The following BDP1 variants were observed in gnomAD, a reference collection of about 807,000 sequenced individuals.
The protein encoded by BDP1 is BDP1 general transcription factor IIIB subunit.
In BDP1, 169 loss-of-function variants were observed where a neutral mutation model predicts 266.6. The observed-to-expected ratio is 0.63, with a 90% confidence interval of 0.56 to 0.72. The LOEUF (loss-of-function observed/expected upper bound fraction) is 0.72, where lower values mean the gene tolerates loss of function less well. Among genes scored for constraint, BDP1 ranks in the 30% least tolerant of loss-of-function variants. The pLI is 0.00. For missense variants in BDP1, 3,015 were observed against 3,053.8 expected (o/e 0.99, Z 0.30); for synonymous variants, 1,090 against 1,022.4 (o/e 1.07, Z -1.26).
At chr5:71,533,257 G>A (rs1766365363) in intron 26 of BDP1, among the ~76,000 whole-genome samples, 1 of 152,112 alleles carries the variant, frequency 6.6e-6, no homozygotes. Flanking sequence ...AAGTGTTTGT[G>A]TACAATATGT....
the BDP1 span, among the ~76,000 whole-genome samples, chr5:71,574,907 C>T: frequency 6.6e-6 from 1 of 152,188 alleles, no homozygotes; most frequent in Non-Finnish European, 1.5e-5. Flanking sequence ...ATTTTATGGG[C>T]TTATGGATAT....
At chr5:71,538,342 G>A (rs1766761083) in intron 26 of BDP1, among the ~76,000 whole-genome samples, 1 of 152,180 alleles carries the variant, frequency 6.6e-6, no homozygotes, top group Admixed American at 6.5e-5. Context: ...CTTGGGGACT[G>A]GGGGCCTTGT....
At chr5:71,545,963 C>A (rs980914709) in intron 32 of BDP1, among the ~76,000 whole-genome samples, 3 of 151,982 alleles carry the variant, frequency 2.0e-5, no homozygotes, top group Non-Finnish European at 4.4e-5. Context: ...TCGCCATGCA[C>A]TCCAGCCTGG....
In BDP1 at chr5:71,522,780, C is replaced by T. The variant is rs535854778; in HGVS notation, c.5218C>T (p.Leu1740=). ...GGAAAAAGCTGAGCTTCTGACATCTCTGGAGGTTTCAGCAAGAAAAGATTG... is the reference window on the plus strand; with the variant it reads ...GGAAAAAGCTGAGCTTCTGACATCTTTGGAGGTTTCAGCAAGAAAAGATTG... ...LKEKAELLTS[L]EVSARKDCVG... The change falls in exon 24 of 39, where the codon CTG becomes TTG. Residue 1740 remains leucine, a synonymous_variant. Coordinates refer to ENST00000358731, the MANE Select transcript of BDP1 (RefSeq NM_018429.3). 2.0e-5 allele frequency: 32 copies of T among 1,605,352 alleles called. No individual in the cohort carries two copies. The African/African-American group carries it at 4.0e-4, about 20-fold the overall frequency.
intron 21 of BDP1, among the ~76,000 whole-genome samples, chr5:71,516,887 C>T (rs553767584): frequency 9.9e-5 from 15 of 151,736 alleles, no homozygotes; most frequent in Non-Finnish European, 2.1e-4. Context: ...AACCAAAAAG[C>T]TCTTTCTTAA....
intron 7 of BDP1, among the ~76,000 whole-genome samples, chr5:71,475,585 A>G (rs1176616740): frequency 6.6e-6 from 1 of 152,216 alleles, no homozygotes; most frequent in Non-Finnish European, 1.5e-5. Context: ...ATCAGGCTGT[A>G]TTCACCCAGA....
chr5:71,525,273 C>G (rs1399275088), intron 25 of BDP1, among the ~76,000 whole-genome samples: 3 of 147,970 alleles, frequency 2.0e-5, no homozygotes, highest in African/African-American at 5.0e-5. Context: ...GCTGACCCCC[C>G]CCACCTCCCT....
At chr5:71,528,299 A>G (rs937748200) in intron 25 of BDP1, among the ~76,000 whole-genome samples, 6 of 152,218 alleles carry the variant, frequency 3.9e-5, no homozygotes, top group Non-Finnish European at 7.3e-5. Flanking sequence ...GTTGTGAACT[A>G]GAGAAACGTG....
In BDP1 at chr5:71,566,618, A is replaced by G. The variant is rs1038716105; in HGVS notation, c.*1733A>G. 5.3e-5 allele frequency: 8 copies of G among 152,184 alleles called. No homozygotes were observed. The highest frequency in any genetic ancestry group is 1.0e-4 in the Non-Finnish European group (7 of 68,038). The allele number at this position is 152,184 out of a possible 1,614,324, so 9.4% of individuals were successfully genotyped here. A position where few individuals can be genotyped will look rare whatever the true frequency, so the allele number is the denominator to read the frequency against. On this transcript the variant is annotated 3_prime_UTR_variant, in exon 39 of 39. Coordinates refer to ENST00000358731, the MANE Select transcript of BDP1 (RefSeq NM_018429.3). ...CAGATGGTCTCTGTGGCAGCTACTC[A>G]GCTCTGCAATTTCAGTGTGAAAGAA... is the stretch of plus-strand genomic sequence containing the variant.
At chr5:71,513,493 A>T in intron 19 of BDP1, 86 bp downstream of exon 19, 1 of 784,880 alleles carries the variant, frequency 1.3e-6, no homozygotes, top group East Asian at 2.5e-5. Flanking sequence ...CTGGCATTAA[A>T]ATTCTACAAA....
rs371188829 is a variant in BDP1, at chr5:71,511,076, C to T, written c.3984C>T (p.Thr1328=). The part of the protein sequence containing the change: ...PRENELEETS[T]SRQTDTHLMQ... ...AAAACGAGCTAGAGGAGACCAGTAC[C>T]TCAAGACAAACTGACACACATTTAA... Residue 1328 remains threonine, a synonymous_variant, in exon 17 of 39, where the codon ACC becomes ACT. Coordinates refer to ENST00000358731, the MANE Select transcript of BDP1 (RefSeq NM_018429.3). 3 of 1,614,018 alleles carry T rather than the reference C, an allele frequency of 1.9e-6. No homozygotes were observed. Among genetic ancestry groups the T allele is most frequent in the South Asian group, 1.1e-5 (1 of 91,086 alleles).
chr5:71,460,763 G>A (rs868026561), intron 2 of BDP1, among the ~76,000 whole-genome samples: 15 of 151,966 alleles, frequency 9.9e-5, no homozygotes, highest in African/African-American at 3.6e-4. Context: ...AAAAAGTTCT[G>A]TATTTTACAG....
chr5:71,465,944 C>G, intron 4 of BDP1, 152 bp from the exon 5 acceptor site: 2 of 679,044 alleles, frequency 2.9e-6, no homozygotes, highest in African/African-American at 1.9e-5. Context: ...CCTCTAATTG[C>G]GTCCTTAATA....
chr5:71,516,635 A>G (rs1156820072), intron 21 of BDP1, among the ~76,000 whole-genome samples: 2 of 152,322 alleles, frequency 1.3e-5, no homozygotes, highest in South Asian at 2.1e-4. Context: ...ATTACGTACT[A>G]TAACTTTCTG....
At chr5:71,470,754 AT>A (rs557338816) in intron 7 of BDP1, among the ~76,000 whole-genome samples, 1 of 151,772 alleles carries the variant, frequency 6.6e-6, no homozygotes, top group African/African-American at 2.4e-5. Flanking sequence ...CGCCCGGCTG[AT>A]TTTTTTACTG....
intron 20 of BDP1, among the ~76,000 whole-genome samples, chr5:71,515,674 A>G (rs752569859): frequency 6.6e-6 from 1 of 152,194 alleles, no homozygotes; most frequent in Admixed American, 6.5e-5. Context: ...ATTTTTTAAT[A>G]TACAGTGGCA....
At position 71,485,086 on chromosome 5, in the gene BDP1, T is replaced by C. The variant is rs140485584; in HGVS notation, c.1069+1190T>C. ...TTATAGTCAGAAAATAATTCGTAAA[T>C]CTATAAACAGTCTATTTGGATTGTG... On this transcript the variant is annotated intron_variant, in intron 8 of 38. Coordinates refer to ENST00000358731, the MANE Select transcript of BDP1 (RefSeq NM_018429.3). Among the ~76,000 whole-genome samples, 418 of 152,310 alleles carry C rather than the reference T, an allele frequency of 2.7e-3. 3 individuals are homozygous for C. The highest frequency in any genetic ancestry group is 9.6e-3 in the African/African-American group (401 of 41,560).
In BDP1 at chr5:71,565,140, T is replaced by G; in HGVS notation, c.*255T>G. Reference sequence around the variant, plus strand: ...CTTTCTCAGACAGAAATAACAACTCTTGTTTACATTTTGACTCTTCCTGTG... The same window carrying G: ...CTTTCTCAGACAGAAATAACAACTCGTGTTTACATTTTGACTCTTCCTGTG... On this transcript the variant is annotated 3_prime_UTR_variant, in exon 39 of 39. Transcript: ENST00000358731. 2.6e-6 allele frequency: 1 copy of G among 384,626 alleles called. No homozygotes were observed. The highest frequency in any genetic ancestry group is 4.7e-6 in the Non-Finnish European group (1 of 214,948). The allele number at this position is 384,626 out of a possible 1,614,324, so 23.8% of individuals were successfully genotyped here.
rs576905418 is a variant in BDP1 at position 71,504,608 on chromosome 5, G to T, written c.2242-13G>T. On this transcript the variant is annotated splice_polypyrimidine_tract_variant and intron_variant, in intron 15 of 38. Coordinates refer to ENST00000358731, the MANE Select transcript of BDP1 (RefSeq NM_018429.3). The stretch of plus-strand genomic sequence containing the variant: ...GAAACCTAAAACATTAGAAAAATTT[G>T]TTTGTTTTTAAGACTCCTCAACACA... 99 of 1,592,950 alleles carry T rather than the reference G, an allele frequency of 6.2e-5. No homozygotes were observed. The South Asian group carries it at 1.1e-3, about 18-fold the overall frequency.
Sources: allele counts gnomAD v4.1 joint callset (sites outside exome capture counted in the v4.1 genomes callset), GRCh38; gene constraint gnomAD v4.1.1; transcripts MANE v1.5; gene names NCBI Gene and HGNC (gene_info 2026-07-23, HGNC 2026-07-21).